The following RELB variants were observed in gnomAD, a reference collection of about 807,000 sequenced individuals.
RELB encodes transcription factor RelB.
Under a neutral mutation model 55.4 loss-of-function variants are expected in RELB, and 14 were observed. The observed-to-expected ratio is 0.25, with a 90% CI of 0.17 to 0.40. RELB has a LOEUF of 0.40. Among genes scored for constraint, RELB ranks in the 10% least tolerant of loss-of-function variants. The pLI is 1.00. For synonymous variants in RELB, 409 were observed against 371.3 expected, an observed-to-expected ratio of 1.10 and a Z score of -1.17; for missense variants, 669 against 830.7, an observed-to-expected ratio of 0.81 and a Z score of 2.39.
At chr19:45,031,544 T>G (rs995865941) in intron 8 of RELB, among the ~76,000 whole-genome samples, 2 of 152,130 alleles carry the variant, frequency 1.3e-5, no homozygotes, top group African/African-American at 4.8e-5. Flanking sequence ...AGGGTGATCT[T>G]GAGGATCCCT....
intron 2 of RELB, among the ~76,000 whole-genome samples, chr19:45,009,307 C>T (rs1412201288): frequency 1.3e-5 from 2 of 152,182 alleles, no homozygotes; most frequent in African/African-American, 4.8e-5. Flanking sequence ...TCTCGAACTC[C>T]TGACCTCAAG....
intron 11 of RELB, among the ~76,000 whole-genome samples, chr19:45,036,137 A>G (rs1245314635): frequency 5.3e-5 from 8 of 152,092 alleles, no homozygotes; most frequent in Non-Finnish European, 1.2e-4. Flanking sequence ...CAGTGGCACA[A>G]TCTCAGCTCA....
chr19:45,023,393 T>TTTCCTTCCTTCCTTCCTTCC (rs58473606), intron 5 of RELB, among the ~76,000 whole-genome samples: 2,886 of 144,656 alleles, frequency 0.02, 66 homozygotes, highest in South Asian at 0.034. Context: ...TGCAGTTTTC[T>TTTCCTTCCTTCCTTCCTTCC]TTCCTTCCTT....
intron 4 of RELB, among the ~76,000 whole-genome samples, chr19:45,015,753 A>AAT (rs1971414229): frequency 1.3e-5 from 2 of 150,740 alleles, no homozygotes; most frequent in Non-Finnish European, 3.0e-5. Flanking sequence ...AAAAGAAAAA[A>AAT]GAAACAACTA....
rs182578708 is a variant in RELB at position 45,032,730 on chromosome 19, G to A, written c.1188G>A (p.Thr396=). 19 of 1,607,574 alleles carry A rather than the reference G, an allele frequency of 1.2e-5. No individual in the cohort carries two copies. Among genetic ancestry groups the A allele is most frequent in the South Asian group, 1.0e-4 (9 of 90,020 alleles). Residue 396 remains threonine, a synonymous_variant, in exon 9 of 12, where the codon ACG becomes ACA. Coordinates refer to ENST00000221452, the MANE Select transcript of RELB (RefSeq NM_006509.4). ...TCTGCAGCGAGCCATTGCCTTTCAC[G>A]TACCTGCCTCGCGACCATGGTAACT... The part of the protein sequence containing the change: ...DGVCSEPLPF[T]YLPRDHDSYG...
Position 45,022,123 on chromosome 19 carries a change from G to A in RELB, c.575G>A (p.Arg192Gln), listed in dbSNP as rs778894957. 1.1e-5 allele frequency: 18 copies of A among 1,613,322 alleles called. No individual in the cohort carries two copies. Among genetic ancestry groups the A allele is most frequent in the South Asian group, 3.3e-5 (3 of 91,050 alleles). ...CTGGTGTGGAAGGACTGGCCTCACC[G>A]AGTCCACCCCCACAGCCTCGTGGGG... Reference protein sequence around the residue: ...ACLVWKDWPHRVHPHSLVGKD... With the variant: ...ACLVWKDWPHQVHPHSLVGKD... Residue 192 changes from arginine (R) to glutamine (Q), a missense_variant, in exon 5 of 12, where the codon CGA (arginine) becomes CAA (glutamine). This residue lies in a region of RELB where 323 missense variants were observed against 368.5 expected (regional missense o/e 0.88). Transcript: ENST00000221452.
chr19:45,024,185 G>A (rs1158442784), intron 5 of RELB, among the ~76,000 whole-genome samples: 3 of 149,442 alleles, frequency 2.0e-5, no homozygotes, highest in African/African-American at 4.9e-5. Flanking sequence ...ATTTTGAGAC[G>A]GAGTCTCGCT....
At chr19:45,026,791 T>C (rs1971563608) in intron 7 of RELB, among the ~76,000 whole-genome samples, 1 of 152,102 alleles carries the variant, frequency 6.6e-6, no homozygotes, top group Non-Finnish European at 1.5e-5. Flanking sequence ...AGCAAGTGCT[T>C]AGATTTTTCA....
chr19:45,006,064 A>C (rs1363462233), intron 2 of RELB, among the ~76,000 whole-genome samples: 1 of 152,232 alleles, frequency 6.6e-6, no homozygotes, highest in Non-Finnish European at 1.5e-5. Context: ...TTCCCTACCT[A>C]GATGAGGAGG....
chr19:45,003,240 G>A (rs939422291), intron 2 of RELB, among the ~76,000 whole-genome samples: 6 of 152,264 alleles, frequency 3.9e-5, no homozygotes, highest in African/African-American at 7.2e-5. Context: ...GGGAGGCCGA[G>A]GCGGACGGAT....
intron 3 of RELB, among the ~76,000 whole-genome samples, chr19:45,011,011 A>G (rs575872516): frequency 6.6e-6 from 1 of 152,160 alleles, no homozygotes; most frequent in African/African-American, 2.4e-5. Flanking sequence ...ACACATCACC[A>G]TGCCCAATTT....
intron 11 of RELB, among the ~76,000 whole-genome samples, chr19:45,035,869 A>T (rs1021889260): frequency 6.6e-6 from 1 of 152,172 alleles, no homozygotes; most frequent in Non-Finnish European, 1.5e-5. Context: ...TGTTCCAGGG[A>T]TGGTCTGGTG....
chr19:45,006,501 G>T (rs1971283837), intron 2 of RELB, among the ~76,000 whole-genome samples: 1 of 151,992 alleles, frequency 6.6e-6, no homozygotes, highest in Non-Finnish European at 1.5e-5. Context: ...ACTGTGCCCA[G>T]CGAGAAAATC....
Position 45,028,085 on chromosome 19 carries a change from A to G in RELB, c.887-803A>G, listed in dbSNP as rs566971432. Among the ~76,000 whole-genome samples, 7 of 151,898 alleles carry G rather than the reference A, an allele frequency of 4.6e-5. No individual in the cohort carries two copies. The East Asian group carries it at 1.4e-3, about 30-fold the overall frequency. On this transcript the variant is annotated intron_variant, in intron 7 of 11. Coordinates refer to ENST00000221452, the MANE Select transcript of RELB (RefSeq NM_006509.4). ...AACTTTGTAGAGCTAGAGTCTCACC[A>G]TGTTACCCAGGCTGGTCCAGAACTC... is the stretch of plus-strand genomic sequence containing the variant.
rs140291696 is a variant in RELB at position 45,031,265 on chromosome 19, A to T, written c.992-1269A>T. On this transcript the variant is annotated intron_variant, in intron 8 of 11. Transcript: ENST00000221452. ...CTGTCTCTTAAATAGCTGGGACCAC[A>T]GGCGTGCGCCACCATGCCTGGCTAA... Among the ~76,000 whole-genome samples, 681 of 152,142 alleles carry T rather than the reference A, an allele frequency of 4.5e-3. 3 individuals are homozygous for T. Among genetic ancestry groups the T allele is most frequent in the African/African-American group, 0.015 (629 of 41,512 alleles).
At chr19:45,021,854 C>T (rs1036445215) in intron 4 of RELB, 199 bp from the exon 5 acceptor site, 2 of 497,448 alleles carry the variant, frequency 4.0e-6, no homozygotes, top group Admixed American at 3.8e-5. Context: ...GGATTGCAGG[C>T]GTGAGCCACC....
chr19:45,013,066 A>AAT (rs934472865), intron 4 of RELB, among the ~76,000 whole-genome samples: 2 of 149,862 alleles, frequency 1.3e-5, no homozygotes, highest in African/African-American at 4.9e-5. Flanking sequence ...AAAACAAACA[A>AAT]ATATATATAA....
chr19:45,032,054 G>A (rs1175758177), intron 8 of RELB, among the ~76,000 whole-genome samples: 2 of 151,502 alleles, frequency 1.3e-5, no homozygotes, highest in East Asian at 2.0e-4. Context: ...TGGCCAACGT[G>A]GTGAAACCCC....
At chr19:45,020,778 C>G (rs11881833) in intron 4 of RELB, among the ~76,000 whole-genome samples, 1 of 150,906 alleles carries the variant, frequency 6.6e-6, no homozygotes, top group Non-Finnish European at 1.5e-5. Context: ...AGGATGGTCT[C>G]GATCTCCTGA....
Sources: allele counts gnomAD v4.1 joint callset (sites outside exome capture counted in the v4.1 genomes callset), GRCh38; gene constraint gnomAD v4.1.1; regional missense constraint gnomAD v4.1.1; transcripts MANE v1.5; gene names NCBI Gene and HGNC (gene_info 2026-07-23, HGNC 2026-07-21).